The following ADAMTS16 variants were observed in gnomAD, a reference collection of about 807,000 sequenced individuals.
ADAMTS16 encodes the protein ADAM metallopeptidase with thrombospondin type 1 motif 16.
Under a neutral mutation model 145.8 loss-of-function variants are expected in ADAMTS16, and 94 were observed. The observed-to-expected ratio is 0.64, with a 90% CI of 0.55 to 0.77. The LOEUF (loss-of-function observed/expected upper bound fraction) is 0.77, where lower values mean the gene tolerates loss of function less well. Ranked by LOEUF, ADAMTS16 falls within the 30% of genes least tolerant of loss-of-function variation. The pLI, the probability that ADAMTS16 is intolerant of heterozygous loss-of-function variation, is 0.00. For synonymous variants in ADAMTS16, 659 were observed against 604.3 expected (o/e 1.09, Z -1.33); for missense variants, 1,585 against 1,591.5 (o/e 1.00, Z 0.07).
In ADAMTS16 at chr5:5,232,507, C is replaced by G. The variant is rs776556366; in HGVS notation, c.1841C>G (p.Thr614Ser). 18 of 1,613,404 alleles carry G rather than the reference C, an allele frequency of 1.1e-5. No individual in the cohort carries two copies. In the Admixed American group the frequency reaches 3.0e-4, roughly 27 times the overall value. The change falls in exon 12 of 23, where the codon ACC becomes AGC. Residue 614 changes from threonine (T) to serine (S), a missense_variant. Thr to Ser is a moderately conservative substitution (Grantham distance 58, BLOSUM62 1). This residue lies in a region of ADAMTS16 where 834 missense variants were observed against 811.7 expected (regional missense o/e 1.03). Coordinates refer to ENST00000274181, the MANE Select transcript of ADAMTS16 (RefSeq NM_139056.4). ...GGVSHRSRLC[T>S]NPKPSHGGKF... ...GTATCTCATAGGAGTCGCCTCTGCA[C>G]CAACCCCAAGTAAGTATGCCTTGAC...
intron 13 of ADAMTS16, among the ~76,000 whole-genome samples, chr5:5,235,989 C>G (rs1381975411): frequency 1.3e-5 from 2 of 152,182 alleles, no homozygotes. Context: ...GTTTGGTTGT[C>G]CCTTTACTCC....
chr5:5,239,372 C>T, intron 15 of ADAMTS16, 98 bp downstream of exon 15: 3 of 1,461,700 alleles, frequency 2.1e-6, no homozygotes, highest in Non-Finnish European at 1.8e-6. Context: ...AGCAGGACTT[C>T]CTTCCGCTGC....
chr5:5,209,724 A>G (rs1034355773), intron 10 of ADAMTS16, among the ~76,000 whole-genome samples: 4 of 152,152 alleles, frequency 2.6e-5, no homozygotes, highest in African/African-American at 9.7e-5. Context: ...TACTCCGTCA[A>G]CCCCAGGAAC....
chr5:5,281,719 A>AG (rs2126472549), intron 18 of ADAMTS16, among the ~76,000 whole-genome samples: 1 of 152,314 alleles, frequency 6.6e-6, no homozygotes, highest in African/African-American at 2.4e-5. Flanking sequence ...TTGTAGAGTG[A>AG]GAAAAATACC....
chr5:5,245,111 T>C (rs1195728717), intron 17 of ADAMTS16, among the ~76,000 whole-genome samples: 3 of 152,220 alleles, frequency 2.0e-5, no homozygotes, highest in Non-Finnish European at 4.4e-5. Flanking sequence ...CTTTAGGAGT[T>C]TCAGGATTTG....
At chr5:5,227,611 A>T (rs1468132132) in intron 11 of ADAMTS16, among the ~76,000 whole-genome samples, 1 of 151,888 alleles carries the variant, frequency 6.6e-6, no homozygotes, top group Non-Finnish European at 1.5e-5. Flanking sequence ...TTCTCATCAG[A>T]TTCTCAAAAT....
At chr5:5,285,967 G>T (rs536158178) in intron 18 of ADAMTS16, among the ~76,000 whole-genome samples, 2 of 152,060 alleles carry the variant, frequency 1.3e-5, no homozygotes, top group East Asian at 3.9e-4. Context: ...TCTCTGTTGC[G>T]ACTTGTGCGT....
At chr5:5,188,194 T>C (rs925480253) in intron 6 of ADAMTS16, among the ~76,000 whole-genome samples, 53 of 152,200 alleles carry the variant, frequency 3.5e-4, no homozygotes, top group Non-Finnish European at 5.9e-5. Flanking sequence ...TATAAATGTT[T>C]TGTGGTCTTG....
At chr5:5,228,002 T>A (rs1020455660) in intron 11 of ADAMTS16, among the ~76,000 whole-genome samples, 10 of 152,256 alleles carry the variant, frequency 6.6e-5, no homozygotes, top group Non-Finnish European at 1.3e-4. Context: ...AAATTCTGTG[T>A]AATATGCTGT....
chr5:5,270,207 T>G (rs1163001755), intron 18 of ADAMTS16, among the ~76,000 whole-genome samples: 1 of 152,124 alleles, frequency 6.6e-6, no homozygotes, highest in Non-Finnish European at 1.5e-5. Flanking sequence ...ACATGGAGCT[T>G]AGTAAATTTC....
At chr5:5,258,120 T>C (rs2126421126) in intron 17 of ADAMTS16, among the ~76,000 whole-genome samples, 1 of 152,284 alleles carries the variant, frequency 6.6e-6, no homozygotes, top group South Asian at 2.1e-4. Flanking sequence ...CTCTCTGAAC[T>C]CCGTCATTAA....
At chr5:5,206,283 G>A (rs893301362) in intron 9 of ADAMTS16, among the ~76,000 whole-genome samples, 5 of 147,018 alleles carry the variant, frequency 3.4e-5, no homozygotes, top group Non-Finnish European at 6.0e-5. Flanking sequence ...AAAATTAGCC[G>A]GGCGTAGTGG....
intron 17 of ADAMTS16, among the ~76,000 whole-genome samples, chr5:5,247,592 CA>C (rs143710341): frequency 0.035 from 5,367 of 152,298 alleles, 329 homozygotes; most frequent in African/African-American, 0.12. Flanking sequence ...CTCCACTCAT[CA>C]GGGGTGCCGG....
rs373108200 is a variant in ADAMTS16, at chr5:5,186,123, C to T, written c.835C>T (p.Arg279Cys). Residue 279 changes from arginine (R) to cysteine (C), a missense_variant, in exon 5 of 23, where the codon CGC becomes TGC. Around this residue, in one of 3 missense-constraint regions of ADAMTS16, gnomAD observed 453 missense variants for 412.1 expected, o/e 1.10. Transcript: ENST00000274181. ...DEYKSCLRHKRSLLRSHRNEE... is the reference protein window; with the variant it reads ...DEYKSCLRHKCSLLRSHRNEE... ...GTATAAGTCTTGCTTACGGCATAAG[C>T]GCTCTCTTCTGAGGTCCCATAGAAA... 6.1e-5 allele frequency: 99 copies of T among 1,613,934 alleles called. No homozygotes were observed. The highest frequency in any genetic ancestry group is 7.7e-5 in the Non-Finnish European group (91 of 1,180,010).
chr5:5,242,563 C>A (rs1240532098), intron 17 of ADAMTS16, among the ~76,000 whole-genome samples: 1 of 152,116 alleles, frequency 6.6e-6, no homozygotes, highest in Admixed American at 6.6e-5. Context: ...AATACACTGA[C>A]CTAGAGTGGG....
chr5:5,250,537 C>T (rs116459045), intron 17 of ADAMTS16, among the ~76,000 whole-genome samples: 1 of 152,294 alleles, frequency 6.6e-6, no homozygotes, highest in African/African-American at 2.4e-5. Flanking sequence ...CCATGTGACA[C>T]CTGTGTGATC....
intron 17 of ADAMTS16, among the ~76,000 whole-genome samples, chr5:5,260,344 T>G (rs1288477347): frequency 2.0e-5 from 3 of 152,250 alleles, no homozygotes; most frequent in Non-Finnish European, 2.9e-5. Flanking sequence ...AATATTCTTC[T>G]TCAAGAGGCT....
At chr5:5,226,031 A>T (rs771763299) in intron 11 of ADAMTS16, among the ~76,000 whole-genome samples, 1 of 152,168 alleles carries the variant, frequency 6.6e-6, no homozygotes, top group Non-Finnish European at 1.5e-5. Context: ...GAGTCCACCC[A>T]TGGAGACACG....
At chr5:5,286,854 T>A (rs1207059241) in intron 18 of ADAMTS16, among the ~76,000 whole-genome samples, 2 of 76,036 alleles carry the variant, frequency 2.6e-5, no homozygotes, top group Non-Finnish European at 4.6e-5. Flanking sequence ...CAAGACTCCG[T>A]CTCAAAAAAA....
Sources: gnomAD v4.1 joint callset for allele counts (sites outside exome capture counted in the v4.1 genomes callset) on GRCh38, gnomAD v4.1.1 for gene constraint, gnomAD v4.1.1 regional missense constraint, MANE v1.5 for transcripts, NCBI Gene and HGNC (gene_info 2026-07-23, HGNC 2026-07-21) for gene names.